Variants in MAGI2 observed in about 807,000 individuals in gnomAD.
MAGI2 encodes membrane-associated guanylate kinase, WW and PDZ domain-containing protein 2.
In MAGI2, 35 loss-of-function variants were observed where a neutral mutation model predicts 133.3. That is an observed-to-expected ratio of 0.26 (90% CI 0.20 to 0.35). The LOEUF (loss-of-function observed/expected upper bound fraction) is 0.35, where lower values mean the gene tolerates loss of function less well. Among genes scored for constraint, MAGI2 ranks in the 10% least tolerant of loss-of-function variants. MAGI2 has a pLI of 1.00. For missense variants in MAGI2, 1,636 were observed against 1,863.4 expected (o/e 0.88, Z 2.25); for synonymous variants, 729 against 710.6 (o/e 1.03, Z -0.41).
rs188371273 is a variant in MAGI2, at chr7:78,403,497, T to C, written c.1046-34284A>G. 3.0e-3 allele frequency among the ~76,000 whole-genome samples: 452 copies of C among 152,170 alleles called. 7 individuals are homozygous for C. Among genetic ancestry groups the C allele is most frequent in the Middle Eastern group, 0.017 (5 of 294 alleles). ...GTCTTTATAGCAGCATGATTTATAATCCTTTGGGTATATACCCAGTAATTG... is the reference window on the plus strand; with the variant it reads ...GTCTTTATAGCAGCATGATTTATAACCCTTTGGGTATATACCCAGTAATTG... On this transcript the variant is annotated intron_variant, in intron 6 of 21. Transcript: ENST00000354212.
chr7:78,236,993 A>T (rs1334956118), intron 10 of MAGI2, among the ~76,000 whole-genome samples: 1 of 152,210 alleles, frequency 6.6e-6, no homozygotes, highest in Non-Finnish European at 1.5e-5. Context: ...TCACAAGAAC[A>T]GCATGGGGGA....
intron 9 of MAGI2, among the ~76,000 whole-genome samples, chr7:78,264,603 C>T (rs1262884127): frequency 6.6e-6 from 1 of 152,148 alleles, no homozygotes; most frequent in Non-Finnish European, 1.5e-5. Context: ...TAGGAGAATG[C>T]TGAGGTGGGA....
At chr7:78,128,797 C>A (rs1380237218) in intron 18 of MAGI2, among the ~76,000 whole-genome samples, 2 of 152,108 alleles carry the variant, frequency 1.3e-5, no homozygotes, top group African/African-American at 4.8e-5. Context: ...ATTACTTAAC[C>A]CTGCAGAGGA....
intron 6 of MAGI2, among the ~76,000 whole-genome samples, chr7:78,384,181 G>T (rs562596758): frequency 6.6e-6 from 1 of 151,914 alleles, no homozygotes; most frequent in Non-Finnish European, 1.5e-5. Flanking sequence ...AGATTGGTTT[G>T]GACAATGTAG....
chr7:78,400,435 A>G (rs998597153), intron 6 of MAGI2, among the ~76,000 whole-genome samples: 2 of 151,974 alleles, frequency 1.3e-5, no homozygotes, highest in Non-Finnish European at 1.5e-5. Flanking sequence ...AACTAAAATT[A>G]GTTATTTAGT....
chr7:78,520,234 T>C (rs1299629346), intron 4 of MAGI2, among the ~76,000 whole-genome samples: 1 of 152,188 alleles, frequency 6.6e-6, no homozygotes, highest in Non-Finnish European at 1.5e-5. Context: ...ACAAATTCGA[T>C]TTTTGGTCTC....
intron 1 of MAGI2, among the ~76,000 whole-genome samples, chr7:79,124,069 G>A (rs763699781): frequency 6.6e-6 from 1 of 152,036 alleles, no homozygotes; most frequent in Non-Finnish European, 1.5e-5. Flanking sequence ...CAGTACGTTA[G>A]CATGAGGGCA....
chr7:78,553,744 C>T (rs1278865095), intron 3 of MAGI2, among the ~76,000 whole-genome samples: 2 of 152,174 alleles, frequency 1.3e-5, no homozygotes, highest in Non-Finnish European at 2.9e-5. Flanking sequence ...AATCATATTG[C>T]CCCAAATCAC....
chr7:79,023,252 A>T (rs1809527042), intron 1 of MAGI2, among the ~76,000 whole-genome samples: 1 of 152,212 alleles, frequency 6.6e-6, no homozygotes, highest in African/African-American at 2.4e-5. Flanking sequence ...TTATATCAAT[A>T]GATACAGAAA....
intron 16 of MAGI2, among the ~76,000 whole-genome samples, chr7:78,143,589 AAAGCAACTTGATTATTTTTT>A (rs1488836671): frequency 6.6e-6 from 1 of 152,166 alleles, no homozygotes; most frequent in East Asian, 1.9e-4. Flanking sequence ...AAATATAACT[AAAGCAACTTGATTATTTTTT>A]AAGGTGTCAT....
At chr7:78,362,181 A>G (rs1282522517) in intron 7 of MAGI2, among the ~76,000 whole-genome samples, 1 of 152,104 alleles carries the variant, frequency 6.6e-6, no homozygotes, top group African/African-American at 2.4e-5. Context: ...GCACACCTGT[A>G]ATCCCAGCTA....
chr7:78,926,329 T>C (rs540990297), intron 2 of MAGI2, among the ~76,000 whole-genome samples: 3 of 152,188 alleles, frequency 2.0e-5, no homozygotes, highest in African/African-American at 7.2e-5. Context: ...AGGTAGCAGA[T>C]AAATACGTTC....
At chr7:78,559,316 T>C (rs1477185654) in intron 3 of MAGI2, among the ~76,000 whole-genome samples, 1 of 151,140 alleles carries the variant, frequency 6.6e-6, no homozygotes, top group Non-Finnish European at 1.5e-5. Context: ...GGTTGACTTG[T>C]GTATTAAAGA....
intron 2 of MAGI2, among the ~76,000 whole-genome samples, chr7:78,923,643 G>A (rs1268084194): frequency 1.3e-5 from 2 of 152,134 alleles, no homozygotes; most frequent in East Asian, 1.9e-4. Context: ...CTCTGGCTTT[G>A]TTCTTTTGGC....
intron 2 of MAGI2, among the ~76,000 whole-genome samples, chr7:78,943,308 C>G (rs1465727108): frequency 2.0e-5 from 3 of 152,042 alleles, no homozygotes; most frequent in Admixed American, 2.0e-4. Flanking sequence ...GAACATGTAA[C>G]AGGAGGCTTT....
At chr7:79,345,025 T>G (rs1362720195) in intron 1 of MAGI2, among the ~76,000 whole-genome samples, 1 of 152,094 alleles carries the variant, frequency 6.6e-6, no homozygotes, top group Non-Finnish European at 1.5e-5. Context: ...AGAATGTCCA[T>G]ATCCATCTAT....
At chr7:79,065,348 C>A (rs540250970) in intron 1 of MAGI2, among the ~76,000 whole-genome samples, 1 of 152,030 alleles carries the variant, frequency 6.6e-6, no homozygotes, top group Admixed American at 6.6e-5. Flanking sequence ...TGCTAGAGGG[C>A]AGGAAGAATA....
chr7:78,781,357 C>T lies in MAGI2; in HGVS notation c.419-154118G>A, dbSNP rs191821147. ...TGTCACCACTGCATTCCAGCCTGGGCGACACAGTGAGACTCCGTCTCACAA... is the reference window on the plus strand; with the variant it reads ...TGTCACCACTGCATTCCAGCCTGGGTGACACAGTGAGACTCCGTCTCACAA... On this transcript the variant is annotated intron_variant, in intron 2 of 21. Coordinates refer to ENST00000354212, the MANE Select transcript of MAGI2 (RefSeq NM_012301.4). Among the ~76,000 whole-genome samples, 67 of 128,950 alleles carry T rather than the reference C, an allele frequency of 5.2e-4. 1 individual carries two copies. Among genetic ancestry groups the T allele is most frequent in the African/African-American group, 1.9e-3 (65 of 33,458 alleles). 84.6% of individuals were successfully genotyped at this position (128,950 alleles called of 152,430 possible).
intron 6 of MAGI2, among the ~76,000 whole-genome samples, chr7:78,444,831 T>C (rs1787972688): frequency 6.7e-6 from 1 of 148,904 alleles, no homozygotes; most frequent in African/African-American, 2.4e-5. Flanking sequence ...CTTATATATT[T>C]ATATAATGTA....
Sources: allele counts gnomAD v4.1 joint callset (sites outside exome capture counted in the v4.1 genomes callset), GRCh38; gene constraint gnomAD v4.1.1; transcripts MANE v1.5; gene names NCBI Gene and HGNC (gene_info 2026-07-23, HGNC 2026-07-21).